ITPR2: variants seen among roughly 807,000 people sequenced by gnomAD.
The protein encoded by ITPR2 is inositol 1,4,5-trisphosphate receptor type 2.
Under a neutral mutation model 317.1 loss-of-function variants are expected in ITPR2, and 207 were observed. The ratio of observed to expected loss-of-function variants is 0.65; its 90% CI spans 0.58 to 0.73. ITPR2 has a LOEUF of 0.73. ITPR2 is among the 30% of genes least tolerant of loss of function. The pLI is 0.00. For synonymous variants in ITPR2, 1,156 were observed against 1,149.1 expected (o/e 1.01, Z -0.12); for missense variants, 2,613 against 3,284.0 (o/e 0.80, Z 4.99).
chr12:26,610,886 G>T (rs1299644806), intron 26 of ITPR2, among the ~76,000 whole-genome samples: 1 of 152,194 alleles, frequency 6.6e-6, no homozygotes, highest in Non-Finnish European at 1.5e-5. Context: ...GAAAGGACAG[G>T]CTACAAGCCA....
chr12:26,537,134 G>A (rs1404493691), intron 37 of ITPR2, among the ~76,000 whole-genome samples: 3 of 152,126 alleles, frequency 2.0e-5, no homozygotes, highest in African/African-American at 7.2e-5. Context: ...AGCGGGAGAG[G>A]AAGTGTTGAG....
chr12:26,404,554 CAGTA>C (rs1940285739), intron 52 of ITPR2, among the ~76,000 whole-genome samples: 1 of 151,966 alleles, frequency 6.6e-6, no homozygotes, highest in Non-Finnish European at 1.5e-5. Context: ...CATCAGGAAA[CAGTA>C]GGAAGAAGGC....
chr12:26,628,975 G>C (rs1453650801), intron 22 of ITPR2, among the ~76,000 whole-genome samples: 1 of 152,228 alleles, frequency 6.6e-6, no homozygotes, highest in East Asian at 1.9e-4. Flanking sequence ...CTGTCTGCCT[G>C]AGAGAGGCCC....
intron 32 of ITPR2, among the ~76,000 whole-genome samples, chr12:26,594,403 T>C (rs999224902): frequency 9.2e-5 from 14 of 151,758 alleles, no homozygotes; most frequent in Non-Finnish European, 1.5e-4. Context: ...ATGACAAGGA[T>C]GTACCTTGTC....
chr12:26,454,436 G>C (rs568231942), intron 45 of ITPR2, among the ~76,000 whole-genome samples: 1 of 152,234 alleles, frequency 6.6e-6, no homozygotes, highest in South Asian at 2.1e-4. Flanking sequence ...GAGATCTCTT[G>C]ACCTTGTGAT....
chr12:26,657,408 G>A (rs1947396548), intron 18 of ITPR2, among the ~76,000 whole-genome samples: 1 of 152,102 alleles, frequency 6.6e-6, no homozygotes, highest in Admixed American at 6.5e-5. Flanking sequence ...CCATCACCTA[G>A]GTCCTAACAT....
intron 9 of ITPR2, among the ~76,000 whole-genome samples, chr12:26,706,365 A>G (rs998536397): frequency 6.6e-6 from 1 of 152,182 alleles, no homozygotes; most frequent in Non-Finnish European, 1.5e-5. Flanking sequence ...CTTGATATAT[A>G]TGGCCTGAAC....
chr12:26,800,594 C>T (rs1010526366), intron 1 of ITPR2, among the ~76,000 whole-genome samples: 2 of 152,064 alleles, frequency 1.3e-5, no homozygotes, highest in Non-Finnish European at 2.9e-5. Flanking sequence ...AAGACCCTAT[C>T]ATTTTAAAAA....
In ITPR2 at chr12:26,483,171, C is replaced by T. The variant is rs138085354; in HGVS notation, c.6012+527G>A. ...CCAAAATGTAATATAGTCAAAAGAGCACTCGATTTAGACTCAGAATCAAAA... is the reference window on the plus strand; with the variant it reads ...CCAAAATGTAATATAGTCAAAAGAGTACTCGATTTAGACTCAGAATCAAAA... On this transcript the variant is annotated intron_variant, in intron 42 of 56. Transcript: ENST00000381340. Among the ~76,000 whole-genome samples, 787 of 152,276 alleles carry T rather than the reference C, an allele frequency of 5.2e-3. 6 individuals are homozygous for T. Among genetic ancestry groups the T allele is most frequent in the South Asian group, 0.015 (74 of 4,830 alleles).
intron 55 of ITPR2, among the ~76,000 whole-genome samples, chr12:26,347,908 ATAC>A (rs1938358630): frequency 6.6e-6 from 1 of 152,256 alleles, no homozygotes; most frequent in African/African-American, 2.4e-5. Flanking sequence ...CCCATGAAAT[ATAC>A]TATGTCTTGT....
At chr12:26,656,603 C>T in intron 18 of ITPR2, 55 bp from the exon 19 acceptor site, 3 of 1,565,940 alleles carry the variant, frequency 1.9e-6, no homozygotes, top group African/African-American at 2.7e-5. Context: ...AATCTTTAAA[C>T]GTCATAGTAC....
intron 2 of ITPR2, among the ~76,000 whole-genome samples, chr12:26,762,568 A>C (rs1216002438): frequency 1.3e-5 from 2 of 152,218 alleles, no homozygotes; most frequent in African/African-American, 4.8e-5. Context: ...GAAATGCTGA[A>C]GGCATTTCCT....
intron 13 of ITPR2, among the ~76,000 whole-genome samples, chr12:26,670,538 A>G (rs1947743345): frequency 6.6e-6 from 1 of 152,178 alleles, no homozygotes; most frequent in Non-Finnish European, 1.5e-5. Context: ...TCCACACCAA[A>G]AACCCATCTG....
intron 55 of ITPR2, among the ~76,000 whole-genome samples, chr12:26,380,758 C>T (rs1419186730): frequency 2.0e-5 from 3 of 152,116 alleles, no homozygotes; most frequent in Non-Finnish European, 2.9e-5. Flanking sequence ...TTAGAAGACT[C>T]GATGGCTTTC....
chr12:26,829,151 A>G (rs1951057106), intron 1 of ITPR2, among the ~76,000 whole-genome samples: 1 of 152,204 alleles, frequency 6.6e-6, no homozygotes, highest in Non-Finnish European at 1.5e-5. Flanking sequence ...TATCCCACAT[A>G]CAGCAGAATT....
intron 1 of ITPR2, among the ~76,000 whole-genome samples, chr12:26,791,728 G>A (rs1950344799): frequency 6.6e-6 from 1 of 152,118 alleles, no homozygotes; most frequent in South Asian, 2.1e-4. Flanking sequence ...GTCACATTGG[G>A]TCAAGAGAAA....
intron 37 of ITPR2, among the ~76,000 whole-genome samples, chr12:26,543,749 G>A (rs7976682): frequency 0.62 from 93,846 of 151,938 alleles, 31,289 homozygotes; most frequent in Non-Finnish European, 0.77. Context: ...AGCCTGGGTG[G>A]CAGAGCAAGA....
chr12:26,439,382 G>A, intron 46 of ITPR2, 63 bp from the exon 47 acceptor site: 1 of 1,180,540 alleles, frequency 8.5e-7, no homozygotes, highest in Non-Finnish European at 1.2e-6. Context: ...ACTTGCTTTT[G>A]TTTTTAACAT....
intron 2 of ITPR2, among the ~76,000 whole-genome samples, chr12:26,736,247 G>T (rs1949116639): frequency 6.6e-6 from 1 of 152,210 alleles, no homozygotes; most frequent in East Asian, 1.9e-4. Context: ...GGTCCATGAG[G>T]GTGAAGTGAT....
Sources: gnomAD v4.1 joint callset for allele counts (sites outside exome capture counted in the v4.1 genomes callset) on GRCh38, gnomAD v4.1.1 for gene constraint, MANE v1.5 for transcripts, NCBI Gene and HGNC (gene_info 2026-07-23, HGNC 2026-07-21) for gene names.